SH3BGRL2: variants seen among roughly 807,000 people sequenced by gnomAD.
SH3BGRL2 encodes the protein SH3 domain binding glutamate rich protein like 2, also known as SH3 domain-binding glutamic acid-rich-like protein 2.
A neutral mutation model predicts 14.8 loss-of-function variants in SH3BGRL2; 21 were observed. That is an observed-to-expected ratio of 1.42 (90% CI 1.01 to 2.05). The LOEUF is 2.05. SH3BGRL2 is among the 30% of genes most tolerant of loss of function. The pLI is 0.00. For synonymous variants in SH3BGRL2, 50 were observed against 47.8 expected, an observed-to-expected ratio of 1.05 and a Z score of -0.19; for missense variants, 147 against 130.8, an observed-to-expected ratio of 1.12 and a Z score of -0.61.
the SH3BGRL2 span, among the ~76,000 whole-genome samples, chr6:79,560,915 T>C: frequency 1.4e-5 from 2 of 147,378 alleles, no homozygotes; most frequent in Non-Finnish European, 3.0e-5. Context: ...AGTTTTGCTC[T>C]TGTTGCCCAG....
chr6:79,585,338 T>C, the SH3BGRL2 span, among the ~76,000 whole-genome samples: 31 of 152,176 alleles, frequency 2.0e-4, no homozygotes, highest in African/African-American at 6.5e-4. Flanking sequence ...AAAATCTTTA[T>C]GTCTTTCAAG....
the SH3BGRL2 span, among the ~76,000 whole-genome samples, chr6:79,592,912 C>T: frequency 6.6e-6 from 1 of 152,146 alleles, no homozygotes; most frequent in African/African-American, 2.4e-5. Flanking sequence ...TTCAGGCTGT[C>T]TAGGTCTAGA....
upstream of SH3BGRL2, among the ~76,000 whole-genome samples, chr6:79,629,195 T>TC (rs986721424): frequency 2.2e-4 from 33 of 152,314 alleles, 1 homozygote; most frequent in African/African-American, 7.7e-4. Context: ...AGCTATTATC[T>TC]CCAACTCTTT....
the SH3BGRL2 span, among the ~76,000 whole-genome samples, chr6:79,614,612 G>A: frequency 6.6e-6 from 1 of 152,108 alleles, no homozygotes; most frequent in Non-Finnish European, 1.5e-5. Context: ...AGACTGCCCC[G>A]ATGTGGTGCT....
the SH3BGRL2 span, among the ~76,000 whole-genome samples, chr6:79,546,699 CTT>C: frequency 2.1e-5 from 3 of 143,858 alleles, no homozygotes; most frequent in Non-Finnish European, 1.5e-5. Flanking sequence ...AGTAGCAACT[CTT>C]TTTTTTTTTT....
chr6:79,590,319 A>T, the SH3BGRL2 span, among the ~76,000 whole-genome samples: 1 of 151,260 alleles, frequency 6.6e-6, no homozygotes, highest in African/African-American at 2.4e-5. Context: ...TTGTTCTACC[A>T]AAAAGACATA....
chr6:79,565,455 G>A, the SH3BGRL2 span, among the ~76,000 whole-genome samples: 1 of 152,020 alleles, frequency 6.6e-6, no homozygotes, highest in Non-Finnish European at 1.5e-5. Context: ...AATAATAAAT[G>A]GAGTTGATGT....
intron 2 of SH3BGRL2, among the ~76,000 whole-genome samples, chr6:79,683,549 A>C (rs1390543452): frequency 6.6e-6 from 1 of 151,946 alleles, no homozygotes; most frequent in African/African-American, 2.4e-5. Flanking sequence ...GCCAGGTTCA[A>C]GCAATTTTCC....
At chr6:79,638,084 T>A (rs1397010974) in intron 1 of SH3BGRL2, among the ~76,000 whole-genome samples, 1 of 152,206 alleles carries the variant, frequency 6.6e-6, no homozygotes, top group Non-Finnish European at 1.5e-5. Context: ...GGTAATTGGC[T>A]TATCAGTCCC....
intron 1 of SH3BGRL2, among the ~76,000 whole-genome samples, chr6:79,643,832 G>A (rs1769078117): frequency 6.6e-6 from 1 of 152,196 alleles, no homozygotes. Flanking sequence ...AATAGGCAGT[G>A]CTCCGAAGAG....
chr6:79,598,769 T>TA, the SH3BGRL2 span, among the ~76,000 whole-genome samples: 3 of 151,990 alleles, frequency 2.0e-5, no homozygotes, highest in South Asian at 6.2e-4. Flanking sequence ...AATGAAGTTA[T>TA]AAAAAATAAA....
chr6:79,637,082 A>G (rs1200341776), intron 1 of SH3BGRL2, among the ~76,000 whole-genome samples: 1 of 152,182 alleles, frequency 6.6e-6, no homozygotes, highest in African/African-American at 2.4e-5. Context: ...ATTTCTTGAC[A>G]CTTAAAGGCA....
chr6:79,633,545 G>A (rs1016233192), intron 1 of SH3BGRL2, among the ~76,000 whole-genome samples: 1 of 152,144 alleles, frequency 6.6e-6, no homozygotes, highest in Non-Finnish European at 1.5e-5. Flanking sequence ...CTCGTAGCAT[G>A]TGTTCTGACA....
chr6:79,601,123 G>A, the SH3BGRL2 span, among the ~76,000 whole-genome samples: 2 of 152,214 alleles, frequency 1.3e-5, no homozygotes, highest in Non-Finnish European at 2.9e-5. Flanking sequence ...CATGAATCAT[G>A]ATGTTTATAC....
intron 2 of SH3BGRL2, among the ~76,000 whole-genome samples, chr6:79,692,590 C>T (rs1355451286): frequency 6.6e-6 from 1 of 152,164 alleles, no homozygotes; most frequent in African/African-American, 2.4e-5. Flanking sequence ...GCCAGTTTTC[C>T]CAGCACCATT....
intron 1 of SH3BGRL2, among the ~76,000 whole-genome samples, chr6:79,643,028 T>G (rs1185739152): frequency 6.6e-6 from 1 of 152,208 alleles, no homozygotes; most frequent in African/African-American, 2.4e-5. Context: ...CCCATTGTGC[T>G]GAGCTTTGGA....
the SH3BGRL2 span, among the ~76,000 whole-genome samples, chr6:79,548,411 G>A: frequency 6.6e-6 from 1 of 152,152 alleles, no homozygotes; most frequent in Non-Finnish European, 1.5e-5. Context: ...TTTGGACAAA[G>A]AGATTCTGAC....
At chr6:79,587,813 T>C in the SH3BGRL2 span, among the ~76,000 whole-genome samples, 1 of 152,220 alleles carries the variant, frequency 6.6e-6, no homozygotes, top group Non-Finnish European at 1.5e-5. Flanking sequence ...AAGAAGCAGA[T>C]AGGTCTGAGA....
At chr6:79,693,740 T>C (rs545422596) in intron 2 of SH3BGRL2, among the ~76,000 whole-genome samples, 1 of 152,244 alleles carries the variant, frequency 6.6e-6, no homozygotes, top group Non-Finnish European at 1.5e-5. Flanking sequence ...CTTTTTGATA[T>C]ACTGCTGGAT....
Sources: allele counts gnomAD v4.1 joint callset (sites outside exome capture counted in the v4.1 genomes callset), GRCh38; gene constraint gnomAD v4.1.1; transcripts MANE v1.5; gene names NCBI Gene and HGNC (gene_info 2026-07-23, HGNC 2026-07-21).